KIRREL1: variants seen among roughly 807,000 people sequenced by gnomAD.
KIRREL1 encodes kirre like nephrin family adhesion molecule 1, also known as kin of IRRE-like protein 1.
KIRREL1 carries 25 observed loss-of-function variants against 83.3 expected under a neutral mutation model. The ratio of observed to expected loss-of-function variants is 0.30; its 90% CI spans 0.22 to 0.42. KIRREL1 has a LOEUF of 0.42. Ranked by LOEUF, KIRREL1 falls within the 10% of genes least tolerant of loss-of-function variation. KIRREL1 has a pLI of 1.00. For missense variants in KIRREL1, 812 were observed against 1,032.3 expected (o/e 0.79, Z 2.92); for synonymous variants, 388 against 410.4 (o/e 0.95, Z 0.66).
Position 158,053,979 on chromosome 1 carries a change from G to A in KIRREL1, c.53-22134G>A, listed in dbSNP as rs554323018. 2.2e-4 allele frequency among the ~76,000 whole-genome samples: 33 copies of A among 151,780 alleles called. No individual in the cohort carries two copies. The South Asian group carries it at 6.7e-3, about 31-fold the overall frequency. ...TGTAATCCCAGCACTTTGGGAAGCT[G>A]AGGCGGGTGGATCACGAGGTCAGGA... is the stretch of plus-strand genomic sequence containing the variant. On this transcript the variant is annotated intron_variant, in intron 1 of 14. Transcript: ENST00000359209.
intron 1 of KIRREL1, among the ~76,000 whole-genome samples, chr1:158,027,161 C>A (rs1177305364): frequency 6.6e-6 from 1 of 152,196 alleles, no homozygotes; most frequent in Non-Finnish European, 1.5e-5. Flanking sequence ...GTTCCCAAGA[C>A]CCCATCCTGA....
In KIRREL1 at chr1:158,019,167, G is replaced by C. The variant is rs570391295; in HGVS notation, c.52+25439G>C. Among the ~76,000 whole-genome samples the C allele has an allele frequency of 3.9e-5, 6 of 152,268 alleles. No individual in the cohort carries two copies. The South Asian group carries it at 1.0e-3, about 26-fold the overall frequency. On this transcript the variant is annotated intron_variant, in intron 1 of 14. Coordinates refer to ENST00000359209, the MANE Select transcript of KIRREL1 (RefSeq NM_018240.7). ...AAGGGCACAAATCGAATAAGTCAGTGCATTGTCATGATGAACATGTGGACA... is the reference window on the plus strand; with the variant it reads ...AAGGGCACAAATCGAATAAGTCAGTCCATTGTCATGATGAACATGTGGACA...
In KIRREL1 at chr1:158,089,712, T is replaced by C. The variant is rs755802847; in HGVS notation, c.1172-6T>C. 38 of 1,614,150 alleles carry C rather than the reference T, an allele frequency of 2.4e-5. No individual in the cohort carries two copies. Among genetic ancestry groups the C allele is most frequent in the Non-Finnish European group, 3.1e-5 (37 of 1,180,014 alleles). On this transcript the variant is annotated splice_polypyrimidine_tract_variant and splice_region_variant and intron_variant, in intron 9 of 14. Transcript: ENST00000359209. ...CTGGTTCTGACTTGTGTCTTCTTGC[T>C]TGCAGGGCCCCCCATCATCTCCAGT... is the stretch of plus-strand genomic sequence containing the variant.
At chr1:158,021,619 G>T (rs374021321) in intron 1 of KIRREL1, among the ~76,000 whole-genome samples, 8 of 152,178 alleles carry the variant, frequency 5.3e-5, no homozygotes, top group African/African-American at 1.9e-4. Context: ...GCATATACAT[G>T]ACTTTTGACT....
chr1:158,040,532 T>C (rs150568069), intron 1 of KIRREL1, among the ~76,000 whole-genome samples: 24 of 152,394 alleles, frequency 1.6e-4, no homozygotes, highest in African/African-American at 5.5e-4. Context: ...GTCAGCACTC[T>C]ATAAATATGG....
At chr1:158,056,538 A>G (rs1048291199) in intron 1 of KIRREL1, among the ~76,000 whole-genome samples, 3 of 152,156 alleles carry the variant, frequency 2.0e-5, no homozygotes, top group Non-Finnish European at 4.4e-5. Flanking sequence ...TAGGAAAAAG[A>G]GGAGCACCCA....
intron 1 of KIRREL1, among the ~76,000 whole-genome samples, chr1:158,031,416 CTG>C (rs1330051099): frequency 3.9e-5 from 6 of 152,164 alleles, no homozygotes; most frequent in Admixed American, 1.3e-4. Flanking sequence ...GTGACTGAAA[CTG>C]AAACTGGCTG....
intron 1 of KIRREL1, among the ~76,000 whole-genome samples, chr1:158,003,016 C>G (rs1659411101): frequency 6.6e-6 from 1 of 152,170 alleles, no homozygotes; most frequent in African/African-American, 2.4e-5. Flanking sequence ...ACCCCCCACT[C>G]CCACCCAACA....
intron 3 of KIRREL1, among the ~76,000 whole-genome samples, chr1:158,078,357 A>C (rs1274081573): frequency 6.6e-6 from 1 of 152,148 alleles, no homozygotes; most frequent in Non-Finnish European, 1.5e-5. Flanking sequence ...GAGGCCCAGC[A>C]TCCTCTCTGC....
chr1:158,090,330 C>T (rs952442902), intron 10 of KIRREL1, among the ~76,000 whole-genome samples: 3 of 152,158 alleles, frequency 2.0e-5, no homozygotes, highest in African/African-American at 4.8e-5. Flanking sequence ...TCTCCCTCCT[C>T]CTGCCTTCCT....
intron 2 of KIRREL1, 97 bp from the exon 3 acceptor site, chr1:158,077,894 G>A (rs1437316165): frequency 7.3e-7 from 1 of 1,368,154 alleles, no homozygotes; most frequent in Non-Finnish European, 1.0e-6. Context: ...CCTGTCAGTG[G>A]TGTCCCAGGA....
chr1:158,029,606 A>G (rs969270043), intron 1 of KIRREL1, among the ~76,000 whole-genome samples: 6 of 152,146 alleles, frequency 3.9e-5, no homozygotes, highest in African/African-American at 1.4e-4. Context: ...TTTATCTCTT[A>G]ACACTGAGCC....
At chr1:158,001,963 C>G (rs1659373135) in intron 1 of KIRREL1, among the ~76,000 whole-genome samples, 2 of 152,108 alleles carry the variant, frequency 1.3e-5, no homozygotes, top group Admixed American at 1.3e-4. Context: ...CAAAGCCTCC[C>G]CTCCTCTTAA....
Position 158,095,238 on chromosome 1 carries a change from A to G in KIRREL1, c.*118A>G. 1.3e-6 allele frequency: 1 copy of G among 765,886 alleles called. No individual in the cohort carries two copies. 47.4% of individuals were successfully genotyped at this position (765,886 alleles called of 1,614,324 possible). A position where few individuals can be genotyped will look rare whatever the true frequency, so the allele number is the denominator to read the frequency against. On this transcript the variant is annotated 3_prime_UTR_variant, in exon 15 of 15. Transcript: ENST00000359209. The stretch of plus-strand genomic sequence containing the variant: ...TTCTCGGACCAGCCTTCTTCCTCCC[A>G]CCATGGCAGGTGGGGAGCAGGTCTC...
intron 1 of KIRREL1, among the ~76,000 whole-genome samples, chr1:158,067,668 A>C (rs1446695189): frequency 2.0e-5 from 3 of 152,230 alleles, no homozygotes; most frequent in Admixed American, 2.0e-4. Flanking sequence ...CAGAGCCAGG[A>C]CCAGACAAGC....
chr1:158,032,866 G>T (rs1354890124), intron 1 of KIRREL1, among the ~76,000 whole-genome samples: 1 of 152,094 alleles, frequency 6.6e-6, no homozygotes, highest in Non-Finnish European at 1.5e-5. Flanking sequence ...CACTTCCCGC[G>T]TTCAAGCAAT....
chr1:158,032,101 AAAC>A (rs1296925904), intron 1 of KIRREL1, among the ~76,000 whole-genome samples: 1 of 151,400 alleles, frequency 6.6e-6, no homozygotes, highest in African/African-American at 2.4e-5. Flanking sequence ...AAGAAAAGAA[AAAC>A]AAACAAACAA....
intron 1 of KIRREL1, among the ~76,000 whole-genome samples, chr1:158,069,248 G>T (rs576460531): frequency 6.6e-5 from 10 of 151,940 alleles, no homozygotes; most frequent in Non-Finnish European, 1.3e-4. Flanking sequence ...GCTGGTAAAT[G>T]CATGCGCTTG....
chr1:158,070,406 T>A (rs1483956922), intron 1 of KIRREL1, among the ~76,000 whole-genome samples: 1 of 152,242 alleles, frequency 6.6e-6, no homozygotes, highest in Admixed American at 6.5e-5. Context: ...AGAAACAGTG[T>A]CTACAAGGCA....
Sources: allele counts gnomAD v4.1 joint callset (sites outside exome capture counted in the v4.1 genomes callset), GRCh38; gene constraint gnomAD v4.1.1; transcripts MANE v1.5; gene names NCBI Gene and HGNC (gene_info 2026-07-23, HGNC 2026-07-21).